The following GRIP2 variants were observed in gnomAD, a reference collection of about 807,000 sequenced individuals.
GRIP2 encodes the protein glutamate receptor interacting protein 2, also known as glutamate receptor-interacting protein 2.
A neutral mutation model predicts 108.3 loss-of-function variants in GRIP2; 58 were observed. The observed-to-expected ratio is 0.54, with a 90% CI of 0.43 to 0.67. The LOEUF (loss-of-function observed/expected upper bound fraction) is 0.67. GRIP2 is among the 30% of genes least tolerant of loss of function. GRIP2 has a pLI of 0.00. For synonymous variants in GRIP2, 586 were observed against 598.2 expected, an observed-to-expected ratio of 0.98 and a Z score of 0.30; for missense variants, 1,278 against 1,430.6, an observed-to-expected ratio of 0.89 and a Z score of 1.72.
At chr3:14,554,740 G>A (rs971119907) in intron 1 of GRIP2, among the ~76,000 whole-genome samples, 2 of 152,162 alleles carry the variant, frequency 1.3e-5, no homozygotes, top group South Asian at 4.2e-4. Context: ...CTCACTGGCT[G>A]GAGACAGCCT....
At position 14,522,880 on chromosome 3, in the gene GRIP2, T is replaced by C. The variant is rs1694451856; in HGVS notation, c.566+120A>G. On this transcript the variant is annotated intron_variant, in intron 6 of 23. Transcript: ENST00000621039. This position sits in a 1 kb window ranked among gnomAD's most constrained non-coding sequence, Gnocchi z 4.3. The stretch of plus-strand genomic sequence containing the variant: ...CCTGAATGACACCGGGCAGGGAGTG[T>C]TCCCTCAGGGCCTCGATCTCTTCAT... The C allele has an allele frequency of 1.2e-6, 1 of 814,836 alleles. No homozygotes were observed. Among genetic ancestry groups the C allele is most frequent in the Non-Finnish European group, 2.1e-6 (1 of 470,186 alleles). The allele number at this position is 814,836 out of a possible 1,614,324, so 50.5% of individuals were successfully genotyped here. A position where few individuals can be genotyped will look rare whatever the true frequency, so the allele number is the denominator to read the frequency against.
At chr3:14,542,491 A>G (rs1694993001), upstream of GRIP2, among the ~76,000 whole-genome samples, 1 of 149,918 alleles carries the variant, frequency 6.7e-6, no homozygotes, top group Non-Finnish European at 1.5e-5. Context: ...TCCTTCTCTT[A>G]AAAAAAATTT....
chr3:14,531,399 C>A (rs1694707029), intron 1 of GRIP2, among the ~76,000 whole-genome samples: 1 of 152,206 alleles, frequency 6.6e-6, no homozygotes, highest in South Asian at 2.1e-4. Context: ...AAGCTGGAAG[C>A]TTGTCTGGTC....
At chr3:14,530,305 C>T (rs1308850524) in intron 1 of GRIP2, among the ~76,000 whole-genome samples, 1 of 152,224 alleles carries the variant, frequency 6.6e-6, no homozygotes, top group Non-Finnish European at 1.5e-5. Context: ...CCCAAGCCTT[C>T]GGCTACCAGA....
the GRIP2 span, among the ~76,000 whole-genome samples, chr3:14,562,062 T>C: frequency 6.6e-6 from 1 of 152,168 alleles, no homozygotes; most frequent in Non-Finnish European, 1.5e-5. Context: ...GGATGCAACA[T>C]GTTGCGAGGT....
chr3:14,579,581 C>T, the GRIP2 span, among the ~76,000 whole-genome samples: 1 of 152,122 alleles, frequency 6.6e-6, no homozygotes, highest in Non-Finnish European at 1.5e-5. Context: ...ACAGCAACCA[C>T]AGCCCAACCA....
intron 1 of GRIP2, among the ~76,000 whole-genome samples, chr3:14,555,660 G>C (rs560405089): frequency 1.3e-5 from 2 of 152,186 alleles, no homozygotes; most frequent in East Asian, 1.9e-4. Context: ...GACCCAGAGA[G>C]AGCGGAGAGA....
chr3:14,526,952 C>T (rs1449216771), intron 1 of GRIP2, among the ~76,000 whole-genome samples: 2 of 152,026 alleles, frequency 1.3e-5, no homozygotes, highest in Admixed American at 6.6e-5. Context: ...TTTGGGAGGC[C>T]GAGGCAGGTG....
rs201973585 is a variant in GRIP2 at position 14,517,484 on chromosome 3, A to ATC, written c.1157-273_1157-272dup. On this transcript the variant is annotated intron_variant, in intron 10 of 23. Transcript: ENST00000621039. ...AGATGACAATGAGGCAGGCCACCTA[A>ATC]TCTCTCTCTCTTTTTTTTTTTTTTT... Among the ~76,000 whole-genome samples the ATC allele has an allele frequency of 7.1e-4, 82 of 114,860 alleles. 1 individual carries two copies. The highest frequency in any genetic ancestry group is 1.6e-3 in the African/African-American group (44 of 26,820). 75.4% of individuals were successfully genotyped at this position (114,860 alleles called of 152,430 possible). A position where few individuals can be genotyped will look rare whatever the true frequency, so the allele number is the denominator to read the frequency against.
At chr3:14,523,856 G>T in intron 4 of GRIP2, 158 bp from the exon 5 acceptor site, 1 of 620,160 alleles carries the variant, frequency 1.6e-6, no homozygotes, top group Non-Finnish European at 2.9e-6. Context: ...GTGAGGCTTA[G>T]AGGGATCCTC....
intron 21 of GRIP2, among the ~76,000 whole-genome samples, chr3:14,501,436 A>G (rs1223278405): frequency 6.6e-6 from 1 of 152,246 alleles, no homozygotes; most frequent in Non-Finnish European, 1.5e-5. Context: ...CTTAAGAGAC[A>G]TAATAACCAA....
chr3:14,593,326 G>T, the GRIP2 span, among the ~76,000 whole-genome samples: 26 of 152,232 alleles, frequency 1.7e-4, no homozygotes, highest in Admixed American at 6.5e-5. Context: ...TCAGTGTCTT[G>T]TCTGGTTTCT....
intron 1 of GRIP2, among the ~76,000 whole-genome samples, chr3:14,532,146 C>G (rs1037795486): frequency 4.6e-5 from 7 of 152,200 alleles, no homozygotes; most frequent in Admixed American, 3.9e-4. Flanking sequence ...AACCTCACAC[C>G]CATGGAAAGT....
At chr3:14,568,289 C>T in the GRIP2 span, among the ~76,000 whole-genome samples, 2 of 152,142 alleles carry the variant, frequency 1.3e-5, no homozygotes, top group Admixed American at 1.3e-4. Flanking sequence ...GCCACTGCAA[C>T]CATGCAACTA....
chr3:14,538,022 G>C (rs1243382155), intron 1 of GRIP2, among the ~76,000 whole-genome samples: 1 of 152,200 alleles, frequency 6.6e-6, no homozygotes, highest in Non-Finnish European at 1.5e-5. Context: ...CAGAACTCTG[G>C]GGTTAGTGAC....
Position 14,514,396 on chromosome 3 carries a change from G to T in GRIP2, c.1389C>A (p.Pro463=), listed in dbSNP as rs1361030750. ...GGAGCTGGAGGCCAAAGCCGCTGAG[G>T]GGGTCTCCACAGAGCACGACCTCCG... The part of the protein sequence containing the change: ...ETTEVVLCGD[P]LSGFGLQLQG... The change falls in exon 12 of 24, where the codon CCC becomes CCA. Residue 463 remains proline, a synonymous_variant. Transcript: ENST00000621039. The T allele has an allele frequency of 1.9e-6, 3 of 1,574,414 alleles. No individual in the cohort carries two copies. The highest frequency in any genetic ancestry group is 2.7e-5 in the African/African-American group (2 of 74,054).
intron 1 of GRIP2, among the ~76,000 whole-genome samples, chr3:14,528,834 A>G (rs1361327386): frequency 1.3e-5 from 2 of 152,206 alleles, no homozygotes; most frequent in Non-Finnish European, 2.9e-5. Flanking sequence ...GGGAAGTGCC[A>G]AAGCTTTTGC....
chr3:14,588,135 G>A, the GRIP2 span, among the ~76,000 whole-genome samples: 2 of 152,304 alleles, frequency 1.3e-5, no homozygotes, highest in East Asian at 1.9e-4. Context: ...CTGGGAGACC[G>A]TTAGCTCTGT....
At chr3:14,558,035 G>T (rs758899854), upstream of GRIP2, among the ~76,000 whole-genome samples, 12 of 152,234 alleles carry the variant, frequency 7.9e-5, no homozygotes, top group Admixed American at 1.3e-4. Flanking sequence ...AACCCCTTGT[G>T]TGTGAATGGG....
Sources: allele counts gnomAD v4.1 joint callset (sites outside exome capture counted in the v4.1 genomes callset), GRCh38; gene constraint gnomAD v4.1.1; non-coding constraint Gnocchi (gnomAD v3.1); transcripts MANE v1.5; gene names NCBI Gene and HGNC (gene_info 2026-07-23, HGNC 2026-07-21).